KIF26B: variants seen among roughly 807,000 people sequenced by gnomAD.
KIF26B encodes the protein kinesin-like protein KIF26B.
In KIF26B, 63 loss-of-function variants were observed where a neutral mutation model predicts 151.2. The ratio of observed to expected loss-of-function variants is 0.42; its 90% CI spans 0.34 to 0.51. KIF26B has a LOEUF of 0.51. KIF26B is among the 20% of genes least tolerant of loss of function. The pLI is 0.07. For synonymous variants in KIF26B, 1,357 were observed against 1,262.1 expected, an observed-to-expected ratio of 1.08 and a Z score of -1.59; for missense variants, 2,813 against 2,913.6, an observed-to-expected ratio of 0.97 and a Z score of 0.79.
chr1:245,541,756 C>G (rs12043797), intron 5 of KIF26B, among the ~76,000 whole-genome samples: 30,562 of 151,886 alleles, frequency 0.2, 3,298 homozygotes, highest in East Asian at 0.25. Flanking sequence ...CATTTGGCCG[C>G]CGTTGCTAGT....
At chr1:245,548,862 G>T (rs1426998840) in intron 5 of KIF26B, among the ~76,000 whole-genome samples, 10 of 151,818 alleles carry the variant, frequency 6.6e-5, no homozygotes, top group Non-Finnish European at 1.5e-5. Flanking sequence ...TCCTGCCTCA[G>T]CCTCCCGAGT....
At chr1:245,387,749 A>G (rs141257562) in intron 3 of KIF26B, among the ~76,000 whole-genome samples, 53 of 152,306 alleles carry the variant, frequency 3.5e-4, no homozygotes, top group Non-Finnish European at 6.3e-4. Context: ...CCTAATATGC[A>G]TGATACCAGC....
At chr1:245,427,374 G>A (rs187465249) in intron 4 of KIF26B, among the ~76,000 whole-genome samples, 59 of 152,360 alleles carry the variant, frequency 3.9e-4, no homozygotes, top group Admixed American at 3.6e-3. Context: ...TCGGGAGGCC[G>A]AGGCAGGCAG....
intron 2 of KIF26B, among the ~76,000 whole-genome samples, chr1:245,324,769 C>T (rs988301452): frequency 2.6e-5 from 4 of 152,038 alleles, no homozygotes; most frequent in African/African-American, 9.7e-5. Context: ...AGCTTGTTAA[C>T]ACGGCAGGAC....
At chr1:245,230,004 A>G (rs10924129) in intron 2 of KIF26B, among the ~76,000 whole-genome samples, 53,074 of 151,908 alleles carry the variant, frequency 0.35, 9,809 homozygotes, top group East Asian at 0.71. Flanking sequence ...GTGGCGGCAC[A>G]TGCCTGTAAT....
rs1371803456 is a variant in KIF26B at position 245,218,925 on chromosome 1, T to C, written c.465+62242T>C. On this transcript the variant is annotated intron_variant, in intron 2 of 14. Coordinates refer to ENST00000407071, the MANE Select transcript of KIF26B (RefSeq NM_018012.4). This position sits in a 1 kb window ranked among gnomAD's most constrained non-coding sequence, Gnocchi z 4.1. ...ACCCTTTCCCCGGTTCTTGTTGGCA[T>C]TTCTGACTTTGCCATTTCAGTTGGC... Among the ~76,000 whole-genome samples, 1 of 152,082 alleles carries C rather than the reference T, an allele frequency of 6.6e-6. No individual in the cohort carries two copies. Among genetic ancestry groups the C allele is most frequent in the Non-Finnish European group, 1.5e-5 (1 of 68,032 alleles).
chr1:245,685,440 C>G lies in KIF26B; in HGVS notation c.2457C>G (p.Cys819Trp). ...GCTCGTCCGGCGGGGAGAGCTCCTG[C>G]GAAGAAGGCCGCATGCGCAGGCCCA... ...TSSSSGGESS[C>W]EEGRMRRPTQ... Residue 819 changes from cysteine (C) to tryptophan (W), a missense_variant, in exon 12 of 15, where the codon TGC (cysteine) becomes TGG (tryptophan). Cys to Trp is a radical substitution (Grantham distance 215). Around this residue, in one of 3 missense-constraint regions of KIF26B, gnomAD observed 2,060 missense variants for 2,088.6 expected, o/e 0.99. Coordinates refer to ENST00000407071, the MANE Select transcript of KIF26B (RefSeq NM_018012.4). The G allele has an allele frequency of 1.2e-6, 2 of 1,613,132 alleles. No homozygotes were observed. Among genetic ancestry groups the G allele is most frequent in the East Asian group, 2.2e-5 (1 of 44,856 alleles).
intron 3 of KIF26B, among the ~76,000 whole-genome samples, chr1:245,383,395 G>A (rs1021679632): frequency 3.9e-5 from 6 of 152,108 alleles, no homozygotes; most frequent in South Asian, 2.1e-4. Flanking sequence ...CACAGCCTTC[G>A]TGCAGGGTCC....
chr1:245,213,373 G>C lies in KIF26B; in HGVS notation c.465+56690G>C, dbSNP rs908969412. On this transcript the variant is annotated intron_variant, in intron 2 of 14. Transcript: ENST00000407071. ...AAACTCTGCAGGCTACCACGCTGAC[G>C]AAGGGTCTGCCCATTTCTCATGCTC... Among the ~76,000 whole-genome samples the C allele has an allele frequency of 1.7e-4, 26 of 152,174 alleles. 1 individual carries two copies. The highest frequency in any genetic ancestry group is 5.5e-4 in the African/African-American group (23 of 41,456).
rs559594203 is a variant in KIF26B, at chr1:245,376,967, C to T, written c.999+9600C>T. ...CCTCCCAAAGTGCTGGGATTACAGGCGTGAGCCACTGTGCCTGGCTCACTG... is the reference window on the plus strand; with the variant it reads ...CCTCCCAAAGTGCTGGGATTACAGGTGTGAGCCACTGTGCCTGGCTCACTG... On this transcript the variant is annotated intron_variant, in intron 3 of 14. Coordinates refer to ENST00000407071, the MANE Select transcript of KIF26B (RefSeq NM_018012.4). Among the ~76,000 whole-genome samples the T allele has an allele frequency of 5.3e-4, 80 of 151,276 alleles. No individual in the cohort carries two copies. The South Asian group carries it at 7.5e-3, about 14-fold the overall frequency.
At chr1:245,374,793 A>G (rs74768242) in intron 3 of KIF26B, among the ~76,000 whole-genome samples, 2,277 of 152,336 alleles carry the variant, frequency 0.015, 57 homozygotes, top group African/African-American at 0.05. Flanking sequence ...ATATTCGGTC[A>G]TGGACACACA....
chr1:245,223,614 A>G (rs1029359191), intron 2 of KIF26B, among the ~76,000 whole-genome samples: 4 of 152,196 alleles, frequency 2.6e-5, no homozygotes, highest in African/African-American at 4.8e-5. Context: ...TTAGAATTGC[A>G]TATAAATGGA....
At chr1:245,179,391 A>G (rs1279293908) in intron 2 of KIF26B, among the ~76,000 whole-genome samples, 1 of 152,202 alleles carries the variant, frequency 6.6e-6, no homozygotes, top group Non-Finnish European at 1.5e-5. Context: ...TGGGAGGCTG[A>G]GGCGCGTGGA....
At chr1:245,515,677 C>A (rs1245514430) in intron 4 of KIF26B, among the ~76,000 whole-genome samples, 2 of 152,208 alleles carry the variant, frequency 1.3e-5, no homozygotes, top group East Asian at 1.9e-4. Context: ...TCTTTTATAC[C>A]ATCCTTGCAG....
intron 4 of KIF26B, among the ~76,000 whole-genome samples, chr1:245,439,320 C>T (rs1659007553): frequency 7.4e-6 from 1 of 134,482 alleles, no homozygotes; most frequent in Non-Finnish European, 1.6e-5. Flanking sequence ...GTACTCGAGC[C>T]TGGGCAAAGG....
chr1:245,375,057 G>A lies in KIF26B; in HGVS notation c.999+7690G>A, dbSNP rs1673241081. On this transcript the variant is annotated intron_variant, in intron 3 of 14. Transcript: ENST00000407071. The surrounding 1 kb of genome is among the most constrained non-coding windows in gnomAD (Gnocchi z 4.2). ...GCCTCAGCAGATGTGATTAAGCCAA[G>A]GATCTTGAGATGGGGGATCATTTAA... Among the ~76,000 whole-genome samples, 1 of 152,124 alleles carries A rather than the reference G, an allele frequency of 6.6e-6. No homozygotes were observed. The highest frequency in any genetic ancestry group is 2.4e-5 in the African/African-American group (1 of 41,432).
intron 9 of KIF26B, among the ~76,000 whole-genome samples, chr1:245,624,966 T>A (rs1259618051): frequency 6.6e-6 from 1 of 152,194 alleles, no homozygotes; most frequent in Non-Finnish European, 1.5e-5. Context: ...GTTAGGTGTT[T>A]TTTTGTGTGT....
At chr1:245,640,160 T>TATATATATATATATATACACAC (rs796722836) in intron 9 of KIF26B, among the ~76,000 whole-genome samples, 9 of 54,850 alleles carry the variant, frequency 1.6e-4, no homozygotes, top group Non-Finnish European at 2.9e-4. Flanking sequence ...TATATATATA[T>TATATATATATATATATACACAC]ACCCTGCTAT....
At chr1:245,322,175 G>C (rs1430020049) in intron 2 of KIF26B, among the ~76,000 whole-genome samples, 1 of 151,966 alleles carries the variant, frequency 6.6e-6, no homozygotes, top group East Asian at 1.9e-4. Flanking sequence ...TGAACAATGA[G>C]AACACATGGA....
Sources: gnomAD v4.1 joint callset for allele counts (sites outside exome capture counted in the v4.1 genomes callset) on GRCh38, gnomAD v4.1.1 for gene constraint, gnomAD v4.1.1 regional missense constraint, Gnocchi (gnomAD v3.1) non-coding constraint, MANE v1.5 for transcripts, NCBI Gene and HGNC (gene_info 2026-07-23, HGNC 2026-07-21) for gene names.